MALRD1: variants seen among roughly 807,000 people sequenced by gnomAD.
MALRD1 encodes MAM and LDL receptor class A domain containing 1.
Under a neutral mutation model 242.1 loss-of-function variants are expected in MALRD1, and 247 were observed. That is an observed-to-expected ratio of 1.02 (90% CI 0.92 to 1.13). The LOEUF (loss-of-function observed/expected upper bound fraction) is 1.13, where lower values mean the gene tolerates loss of function less well. MALRD1 is among the 50% of genes most tolerant of loss of function. MALRD1 has a pLI of 0.00. For synonymous variants in MALRD1, 995 were observed against 866.6 expected, an observed-to-expected ratio of 1.15 and a Z score of -2.60; for missense variants, 2,989 against 2,533.1, an observed-to-expected ratio of 1.18 and a Z score of -3.86.
chr10:19,640,412 T>C (rs971316696), intron 36 of MALRD1, among the ~76,000 whole-genome samples: 6 of 152,192 alleles, frequency 3.9e-5, no homozygotes, highest in African/African-American at 1.4e-4. Flanking sequence ...ACTCACTGGC[T>C]GACATTCCTT....
chr10:19,651,449 T>TA, intron 36 of MALRD1, among the ~76,000 whole-genome samples: 1 of 152,202 alleles, frequency 6.6e-6, no homozygotes, highest in Non-Finnish European at 1.5e-5. Context: ...TTATTCTTAT[T>TA]TTAAAAGAAG....
intron 32 of MALRD1, among the ~76,000 whole-genome samples, chr10:19,532,011 T>C (rs1389948569): frequency 1.3e-5 from 2 of 152,180 alleles, no homozygotes. Context: ...TAAATACAAT[T>C]GGGATTTTTG....
chr10:19,129,596 A>G (rs1837388891), intron 8 of MALRD1, among the ~76,000 whole-genome samples: 1 of 152,008 alleles, frequency 6.6e-6, no homozygotes, highest in South Asian at 2.1e-4. Context: ...CCAAGCTTCT[A>G]ATCATAGCTT....
chr10:19,230,718 C>A (rs1838015247), intron 18 of MALRD1, among the ~76,000 whole-genome samples: 1 of 152,118 alleles, frequency 6.6e-6, no homozygotes, highest in African/African-American at 2.4e-5. Flanking sequence ...GAGTTAGCTT[C>A]CCTCCTCTAT....
chr10:19,261,304 G>A (rs1839735679), intron 19 of MALRD1, among the ~76,000 whole-genome samples: 1 of 152,048 alleles, frequency 6.6e-6, no homozygotes, highest in Non-Finnish European at 1.5e-5. Flanking sequence ...AAAACTGTAG[G>A]AGCTGTGTTT....
At chr10:19,147,475 T>G (rs12775097) in intron 11 of MALRD1, among the ~76,000 whole-genome samples, 6,107 of 152,316 alleles carry the variant, frequency 0.04, 228 homozygotes, top group East Asian at 0.14. Flanking sequence ...CAGACAAAGT[T>G]AAGTTTAAAG....
intron 28 of MALRD1, among the ~76,000 whole-genome samples, chr10:19,393,308 A>G (rs916365933): frequency 1.3e-5 from 2 of 152,132 alleles, no homozygotes; most frequent in African/African-American, 4.8e-5. Flanking sequence ...CAGACCACCT[A>G]AGATTTAAAA....
At position 19,705,804 on chromosome 10, in the gene MALRD1, T is replaced by TAAAA. The variant is rs61437328; in HGVS notation, c.6314+13261_6314+13264dup. ...ACCTTGTTCTCATGTCCTGCAATAG[T>TAAAA]AAAAAAAAAAAAAAGCCCACAAGAG... On this transcript the variant is annotated intron_variant, in intron 38 of 39. Coordinates refer to ENST00000454679, the MANE Select transcript of MALRD1 (RefSeq NM_001142308.3). Among the ~76,000 whole-genome samples, 5 of 102,876 alleles carry TAAAA rather than the reference T, an allele frequency of 4.9e-5. 1 individual carries two copies. Among genetic ancestry groups the TAAAA allele is most frequent in the African/African-American group, 2.4e-4 (5 of 21,026 alleles). 67.5% of individuals were successfully genotyped at this position (102,876 alleles called of 152,430 possible). A position where few individuals can be genotyped will look rare whatever the true frequency, so the allele number is the denominator to read the frequency against.
chr10:19,388,128 T>A lies in MALRD1; in HGVS notation c.4687+355T>A, dbSNP rs552891202. Among the ~76,000 whole-genome samples, 4 of 152,318 alleles carry A rather than the reference T, an allele frequency of 2.6e-5. No individual in the cohort carries two copies. The South Asian group carries it at 8.3e-4, about 32-fold the overall frequency. On this transcript the variant is annotated intron_variant, in intron 27 of 39. Coordinates refer to ENST00000454679, the MANE Select transcript of MALRD1 (RefSeq NM_001142308.3). Reference sequence around the variant, plus strand: ...TTGGCTTGTGTATGGTGGTTTTCCCTAATTCTTCACATCATCTTCTCTGTA... The same window carrying A: ...TTGGCTTGTGTATGGTGGTTTTCCCAAATTCTTCACATCATCTTCTCTGTA...
intron 14 of MALRD1, among the ~76,000 whole-genome samples, chr10:19,189,797 A>G (rs1362086326): frequency 2.6e-5 from 4 of 152,120 alleles, no homozygotes; most frequent in Admixed American, 2.6e-4. Context: ...CAAACCAGGA[A>G]TAAAAGGAAA....
intron 18 of MALRD1, among the ~76,000 whole-genome samples, chr10:19,227,543 A>G (rs969556953): frequency 3.3e-5 from 5 of 152,126 alleles, no homozygotes; most frequent in Non-Finnish European, 7.4e-5. Flanking sequence ...ATTTTTAATA[A>G]TCTTACTATA....
intron 33 of MALRD1, among the ~76,000 whole-genome samples, chr10:19,592,996 T>C (rs1466798953): frequency 8.8e-6 from 1 of 114,242 alleles, no homozygotes; most frequent in Admixed American, 8.4e-5. Context: ...GTTTTATGCA[T>C]AAAATACTTA....
At chr10:19,292,014 C>T (rs901971693) in intron 21 of MALRD1, among the ~76,000 whole-genome samples, 6 of 135,446 alleles carry the variant, frequency 4.4e-5, no homozygotes, top group Non-Finnish European at 7.6e-5. Flanking sequence ...ACCTGGAAGG[C>T]GGAGTTTGCA....
At chr10:19,122,795 T>C (rs1005472265) in intron 5 of MALRD1, among the ~76,000 whole-genome samples, 1 of 152,040 alleles carries the variant, frequency 6.6e-6, no homozygotes, top group African/African-American at 2.4e-5. Context: ...GCGTGATCTT[T>C]GCTCACTGCA....
At chr10:19,292,078 C>T (rs1169570555) in intron 21 of MALRD1, among the ~76,000 whole-genome samples, 2 of 56,174 alleles carry the variant, frequency 3.6e-5, no homozygotes, top group African/African-American at 6.4e-5. Flanking sequence ...GCAAGACCGT[C>T]TCAAAAAAAA....
chr10:19,417,872 A>T (rs975087722), intron 28 of MALRD1, among the ~76,000 whole-genome samples: 5 of 152,152 alleles, frequency 3.3e-5, no homozygotes, highest in South Asian at 4.1e-4. Flanking sequence ...CATCATATAA[A>T]TGTATGGTAT....
chr10:19,194,638 CTG>C (rs1836150311), intron 14 of MALRD1, among the ~76,000 whole-genome samples: 1 of 152,116 alleles, frequency 6.6e-6, no homozygotes, highest in Admixed American at 6.5e-5. Context: ...TCCTTGTCTG[CTG>C]TGTCTTCCCC....
chr10:19,048,896 T>C lies in MALRD1; in HGVS notation c.-43T>C, dbSNP rs960234534. ...AAAAGAATGTTTCCAATGATGGACT[T>C]ACTTATTACAACTGCTTGATCTCTA... is the stretch of plus-strand genomic sequence containing the variant. On this transcript the variant is annotated 5_prime_UTR_variant, in exon 1 of 40. Transcript: ENST00000454679. 2 of 1,205,436 alleles carry C rather than the reference T, an allele frequency of 1.7e-6. No individual in the cohort carries two copies. The highest frequency in any genetic ancestry group is 3.1e-5 in the African/African-American group (2 of 63,980). The allele number at this position is 1,205,436 out of a possible 1,614,324, so 74.7% of individuals were successfully genotyped here. A position where few individuals can be genotyped will look rare whatever the true frequency, so the allele number is the denominator to read the frequency against.
intron 11 of MALRD1, among the ~76,000 whole-genome samples, chr10:19,149,449 T>C (rs1342181175): frequency 6.6e-6 from 1 of 152,122 alleles, no homozygotes; most frequent in Admixed American, 6.6e-5. Flanking sequence ...CTGTTAAATT[T>C]CCATCGAAAT....
Sources: allele counts gnomAD v4.1 joint callset (sites outside exome capture counted in the v4.1 genomes callset), GRCh38; gene constraint gnomAD v4.1.1; transcripts MANE v1.5; gene names NCBI Gene and HGNC (gene_info 2026-07-23, HGNC 2026-07-21).